The following KLRF2 variants were observed in gnomAD, a reference collection of about 807,000 sequenced individuals.
The protein encoded by KLRF2 is killer cell lectin like receptor F2, also known as killer cell lectin-like receptor subfamily F member 2.
Under a neutral mutation model 25.3 loss-of-function variants are expected in KLRF2, and 28 were observed. That is an observed-to-expected ratio of 1.11 (90% CI 0.82 to 1.52). The LOEUF (loss-of-function observed/expected upper bound fraction) is 1.52. KLRF2 is among the 40% of genes most tolerant of loss of function. The pLI is 0.00. For missense variants in KLRF2, 265 were observed against 245.8 expected (o/e 1.08, Z -0.52); for synonymous variants, 73 against 85.0 (o/e 0.86, Z 0.78).
At chr12:9,882,696 G>A (rs549276659) in intron 1 of KLRF2, among the ~76,000 whole-genome samples, 88 of 152,244 alleles carry the variant, frequency 5.8e-4, no homozygotes, top group African/African-American at 2.0e-3. Context: ...CAGGAGAATC[G>A]CTTGAACCCG....
chr12:9,882,288 A>G (rs1868102678), intron 1 of KLRF2, among the ~76,000 whole-genome samples: 1 of 152,198 alleles, frequency 6.6e-6, no homozygotes, highest in Non-Finnish European at 1.5e-5. Context: ...TATGTATTGA[A>G]CATTCTCGTG....
chr12:9,891,506 A>G (rs1263620416), intron 3 of KLRF2, among the ~76,000 whole-genome samples: 2 of 152,212 alleles, frequency 1.3e-5, no homozygotes, highest in African/African-American at 4.8e-5. Flanking sequence ...TCTACATAAT[A>G]AAATTATTTC....
At chr12:9,888,096 G>GAAAAA (rs111917558) in intron 2 of KLRF2, among the ~76,000 whole-genome samples, 2 of 101,282 alleles carry the variant, frequency 2.0e-5, no homozygotes, top group African/African-American at 7.5e-5. Flanking sequence ...TAATAAAAAT[G>GAAAAA]AAAAAAAAAA....
At chr12:9,883,238 C>T (rs982956255) in intron 1 of KLRF2, among the ~76,000 whole-genome samples, 3 of 152,120 alleles carry the variant, frequency 2.0e-5, no homozygotes, top group Non-Finnish European at 2.9e-5. Flanking sequence ...TAATCTTGAT[C>T]CTAAATCAGA....
chr12:9,883,247 G>GA (rs765697617), intron 1 of KLRF2, among the ~76,000 whole-genome samples: 7 of 152,088 alleles, frequency 4.6e-5, no homozygotes, highest in Non-Finnish European at 7.4e-5. Flanking sequence ...TCCTAAATCA[G>GA]AAAAAATATT....
At chr12:9,883,659 C>T (rs935281538) in intron 1 of KLRF2, among the ~76,000 whole-genome samples, 2 of 152,096 alleles carry the variant, frequency 1.3e-5, no homozygotes, top group African/African-American at 4.8e-5. Flanking sequence ...AGAAGTCTTT[C>T]CATATTTGCT....
In KLRF2 at chr12:9,893,813, T is replaced by C. The variant is rs181721995; in HGVS notation, c.479+272T>C. On this transcript the variant is annotated intron_variant, in intron 5 of 5. Coordinates refer to ENST00000535540, the MANE Select transcript of KLRF2 (RefSeq NM_001190765.1). ...TGGCAGTTTAATTGTCCAAAATTCA[T>C]AATAATTTTTAAATTTCTAAGCTGA... Among the ~76,000 whole-genome samples, 177 of 152,256 alleles carry C rather than the reference T, an allele frequency of 1.2e-3. 1 individual carries two copies. Among genetic ancestry groups the C allele is most frequent in the Non-Finnish European group, 2.1e-3 (140 of 68,018 alleles).
At position 9,884,981 on chromosome 12, in the gene KLRF2, T is replaced by G; in HGVS notation, c.118T>G (p.Cys40Gly). 2.2e-6 allele frequency: 3 copies of G among 1,351,810 alleles called. No individual in the cohort carries two copies. Among genetic ancestry groups the G allele is most frequent in the Non-Finnish European group, 2.9e-6 (3 of 1,046,134 alleles). 83.7% of individuals were successfully genotyped at this position (1,351,810 alleles called of 1,614,324 possible). A position where few individuals can be genotyped will look rare whatever the true frequency, so the allele number is the denominator to read the frequency against. ...QYYCLLLIFGCIVILIFIMTG... is the reference protein window; with the variant it reads ...QYYCLLLIFGGIVILIFIMTG... ...TTATTGTCTTCTGCTCATATTTGGATGCATTGTGATCCTTATATTCATTAT... is the reference window on the plus strand; with the variant it reads ...TTATTGTCTTCTGCTCATATTTGGAGGCATTGTGATCCTTATATTCATTAT... Residue 40 changes from cysteine to glycine, a missense_variant, in exon 2 of 6, where the codon TGC becomes GGC. Cys to Gly is a radical substitution (Grantham distance 159). Coordinates refer to ENST00000535540, the MANE Select transcript of KLRF2 (RefSeq NM_001190765.1).
At chr12:9,887,671 C>T (rs572327264) in intron 2 of KLRF2, among the ~76,000 whole-genome samples, 1 of 150,304 alleles carries the variant, frequency 6.7e-6, no homozygotes, top group East Asian at 1.9e-4. Flanking sequence ...TGAAAACAAA[C>T]TATAAATAAT....
intron 5 of KLRF2, among the ~76,000 whole-genome samples, chr12:9,894,973 A>G (rs1031605735): frequency 1.3e-5 from 2 of 152,198 alleles, no homozygotes; most frequent in East Asian, 1.9e-4. Flanking sequence ...TGGTTATAAC[A>G]GTGTTCAGTC....
chr12:9,893,684 TCTC>T (rs1467221795), intron 5 of KLRF2, 143 bp downstream of exon 5: 28 of 410,946 alleles, frequency 6.8e-5, no homozygotes, highest in Non-Finnish European at 9.7e-5. Context: ...CTTTTAGCTC[TCTC>T]TTTTCTTTCC....
Position 9,893,466 on chromosome 12 carries a change from G to T in KLRF2, c.404G>T (p.Gly135Val), listed in dbSNP as rs1272735795. The T allele has an allele frequency of 2.6e-6, 4 of 1,513,936 alleles. No homozygotes were observed. The highest frequency in any genetic ancestry group is 2.7e-6 in the Non-Finnish European group (3 of 1,128,366). The allele number at this position is 1,513,936 out of a possible 1,614,324, so 93.8% of individuals were successfully genotyped here. A position where few individuals can be genotyped will look rare whatever the true frequency, so the allele number is the denominator to read the frequency against. Residue 135 changes from glycine (G) to valine (V), a missense_variant, in exon 5 of 6, where the codon GGT (glycine) becomes GTT (valine). Coordinates refer to ENST00000535540, the MANE Select transcript of KLRF2 (RefSeq NM_001190765.1). ...AACAGTTTAAAACCTGGACATTTTGGTTGGATTGGACTATATGTTACATTC... is the reference window on the plus strand; with the variant it reads ...AACAGTTTAAAACCTGGACATTTTGTTTGGATTGGACTATATGTTACATTC... The part of the protein sequence containing the change: ...IQNSLKPGHF[G>V]WIGLYVTFQG...
chr12:9,894,787 C>T (rs1051740112), intron 5 of KLRF2, among the ~76,000 whole-genome samples: 1 of 151,820 alleles, frequency 6.6e-6, no homozygotes, highest in African/African-American at 2.4e-5. Flanking sequence ...GAAGTAGTAT[C>T]CATTTCCTGG....
intron 2 of KLRF2, among the ~76,000 whole-genome samples, chr12:9,886,139 G>T (rs1862594834): frequency 6.6e-6 from 1 of 152,084 alleles, no homozygotes; most frequent in Admixed American, 6.5e-5. Flanking sequence ...TTGACATGTT[G>T]ATGAATTACT....
chr12:9,891,977 A>G lies in KLRF2; in HGVS notation c.218-1043A>G, dbSNP rs113106994. On this transcript the variant is annotated intron_variant, in intron 3 of 5. Transcript: ENST00000535540. The stretch of plus-strand genomic sequence containing the variant: ...CAACATTCAACAATAAGCATTTATT[A>G]TATACAAAATACTAAATGATAAGAG... Among the ~76,000 whole-genome samples, 1,434 of 152,344 alleles carry G rather than the reference A, an allele frequency of 9.4e-3. 16 individuals are homozygous for G. Among genetic ancestry groups the G allele is most frequent in the African/African-American group, 0.033 (1,380 of 41,572 alleles).
intron 3 of KLRF2, 117 bp downstream of exon 3, chr12:9,888,897 T>C: frequency 1.8e-6 from 1 of 552,548 alleles, no homozygotes; most frequent in African/African-American, 1.9e-5. Flanking sequence ...TGGAGAAAGG[T>C]ATGGGGCTGA....
At chr12:9,892,227 G>A (rs1221111561) in intron 3 of KLRF2, among the ~76,000 whole-genome samples, 1 of 152,134 alleles carries the variant, frequency 6.6e-6, no homozygotes, top group East Asian at 1.9e-4. Context: ...AAGTTAGCGG[G>A]TAAAGAAGGA....
intron 2 of KLRF2, among the ~76,000 whole-genome samples, chr12:9,885,913 A>G (rs572259107): frequency 2.4e-4 from 37 of 152,192 alleles, no homozygotes; most frequent in African/African-American, 8.2e-4. Context: ...AATTCTAAGA[A>G]GTTGAATCCA....
At chr12:9,885,564 A>C (rs1862584992) in intron 2 of KLRF2, among the ~76,000 whole-genome samples, 1 of 151,892 alleles carries the variant, frequency 6.6e-6, no homozygotes, top group Non-Finnish European at 1.5e-5. Context: ...TTTTGAGATG[A>C]GATTTCTAAA....
Sources: gnomAD v4.1 joint callset for allele counts (sites outside exome capture counted in the v4.1 genomes callset) on GRCh38, gnomAD v4.1.1 for gene constraint, MANE v1.5 for transcripts, NCBI Gene and HGNC (gene_info 2026-07-23, HGNC 2026-07-21) for gene names.